Variants in ERBB4 observed in about 807,000 individuals in gnomAD.
ERBB4 encodes the protein erb-b2 receptor tyrosine kinase 4.
Under a neutral mutation model 158.0 loss-of-function variants are expected in ERBB4, and 42 were observed. The ratio of observed to expected loss-of-function variants is 0.27; its 90% CI spans 0.21 to 0.34. The LOEUF is 0.34. Ranked by LOEUF, ERBB4 falls within the 10% of genes least tolerant of loss-of-function variation. ERBB4 has a pLI of 1.00. For missense variants in ERBB4, 1,333 were observed against 1,624.1 expected, an observed-to-expected ratio of 0.82 and a Z score of 3.08; for synonymous variants, 583 against 558.7, an observed-to-expected ratio of 1.04 and a Z score of -0.61.
At chr2:211,473,925 G>A (rs575480413) in intron 20 of ERBB4, among the ~76,000 whole-genome samples, 44 of 152,184 alleles carry the variant, frequency 2.9e-4, no homozygotes, top group African/African-American at 1.0e-3. Context: ...TTTGTGGAGA[G>A]ATTCAACTAC....
chr2:211,772,808 GATATATATATATATAT>G (rs761544601), intron 4 of ERBB4, among the ~76,000 whole-genome samples: 1 of 37,728 alleles, frequency 2.7e-5, no homozygotes, highest in Non-Finnish European at 4.4e-5. Context: ...ACCATACTGG[GATATATATATATATAT>G]ATATATATAT....
At chr2:212,395,222 C>T (rs1020538328) in intron 1 of ERBB4, among the ~76,000 whole-genome samples, 2 of 151,938 alleles carry the variant, frequency 1.3e-5, no homozygotes, top group Non-Finnish European at 2.9e-5. Context: ...AGGTAGAATC[C>T]TCGCATTATT....
rs572422827 is a variant in ERBB4 at position 212,147,632 on chromosome 2, C to A, written c.83-22729G>T. 4.6e-5 allele frequency among the ~76,000 whole-genome samples: 7 copies of A among 152,206 alleles called. No homozygotes were observed. In the South Asian group the frequency reaches 1.5e-3, roughly 32 times the overall value. ...GTAAACATATGAGAAAGGAAAGAAG[C>A]ATCTTCTCAGCAGAATTGAATAAAT... On this transcript the variant is annotated intron_variant, in intron 1 of 27. Transcript: ENST00000342788.
chr2:212,348,696 G>C (rs959029226), intron 1 of ERBB4, among the ~76,000 whole-genome samples: 2 of 152,110 alleles, frequency 1.3e-5, no homozygotes, highest in Non-Finnish European at 2.9e-5. Context: ...TGTACTGCAG[G>C]AACTGGTGGC....
intron 3 of ERBB4, among the ~76,000 whole-genome samples, chr2:211,941,742 C>G (rs1364567903): frequency 9.6e-6 from 1 of 103,794 alleles, no homozygotes; most frequent in Non-Finnish European, 1.9e-5. Context: ...TTTGTCTAAA[C>G]AGGTCACACC....
At chr2:212,287,000 G>A (rs192641030) in intron 1 of ERBB4, among the ~76,000 whole-genome samples, 8 of 151,644 alleles carry the variant, frequency 5.3e-5, no homozygotes, top group Middle Eastern at 3.4e-3. Context: ...CAAGGTAGGA[G>A]AGAACAATTG....
intron 18 of ERBB4, among the ~76,000 whole-genome samples, chr2:211,621,920 C>G (rs907525023): frequency 6.6e-6 from 1 of 152,018 alleles, no homozygotes; most frequent in Non-Finnish European, 1.5e-5. Context: ...AGCACAGAAG[C>G]CTTCAGTTAC....
chr2:212,428,199 T>C (rs2091955945), intron 1 of ERBB4, among the ~76,000 whole-genome samples: 1 of 152,190 alleles, frequency 6.6e-6, no homozygotes, highest in South Asian at 2.1e-4. Flanking sequence ...CAGGAAATGA[T>C]AATAATATTT....
At chr2:211,528,396 A>C (rs1182532846) in intron 20 of ERBB4, among the ~76,000 whole-genome samples, 2 of 152,078 alleles carry the variant, frequency 1.3e-5, no homozygotes, top group Middle Eastern at 3.2e-3. Context: ...GACTCCAATA[A>C]TACAATAATA....
At chr2:211,975,195 C>G (rs1237016473) in intron 2 of ERBB4, among the ~76,000 whole-genome samples, 3 of 152,162 alleles carry the variant, frequency 2.0e-5, no homozygotes, top group Non-Finnish European at 2.9e-5. Context: ...TTGCTCAAGA[C>G]AATCTTGAAC....
chr2:211,659,155 T>C (rs1307513131), intron 15 of ERBB4, among the ~76,000 whole-genome samples: 1 of 150,050 alleles, frequency 6.7e-6, no homozygotes, highest in African/African-American at 2.4e-5. Flanking sequence ...ACTAATATAA[T>C]ATACCTATAA....
chr2:212,002,553 G>A (rs1278527472), intron 2 of ERBB4, among the ~76,000 whole-genome samples: 1 of 151,988 alleles, frequency 6.6e-6, no homozygotes, highest in Non-Finnish European at 1.5e-5. Flanking sequence ...AAATAAACAG[G>A]TAAAAGGGCC....
At chr2:211,591,224 A>T (rs1301971755) in intron 19 of ERBB4, among the ~76,000 whole-genome samples, 4 of 152,230 alleles carry the variant, frequency 2.6e-5, no homozygotes, top group Non-Finnish European at 4.4e-5. Context: ...AATTATGTGG[A>T]AAGTCGCTAG....
intron 20 of ERBB4, among the ~76,000 whole-genome samples, chr2:211,551,882 T>C (rs1427057080): frequency 6.6e-6 from 1 of 152,030 alleles, no homozygotes; most frequent in African/African-American, 2.4e-5. Context: ...TGGAGAAAAA[T>C]GGAAAAGAGG....
At chr2:211,806,441 C>T (rs1403713032) in intron 3 of ERBB4, among the ~76,000 whole-genome samples, 2 of 152,052 alleles carry the variant, frequency 1.3e-5, no homozygotes, top group East Asian at 1.9e-4. Context: ...ATTCAAGAAC[C>T]CAGTAAATTT....
intron 20 of ERBB4, among the ~76,000 whole-genome samples, chr2:211,462,030 A>G (rs17334585): frequency 0.018 from 2,707 of 152,208 alleles, 43 homozygotes; most frequent in South Asian, 0.049. Context: ...TGTGATTACT[A>G]TTGCACTGAC....
chr2:211,560,330 A>G (rs1244407273), intron 20 of ERBB4, among the ~76,000 whole-genome samples: 1 of 120,948 alleles, frequency 8.3e-6, no homozygotes, highest in East Asian at 2.5e-4. Context: ...GCTGCAGTGC[A>G]GTGGTGTGAT....
intron 2 of ERBB4, among the ~76,000 whole-genome samples, chr2:212,051,100 G>A (rs914600928): frequency 6.6e-6 from 1 of 152,136 alleles, no homozygotes; most frequent in African/African-American, 2.4e-5. Context: ...CAATTCTGCA[G>A]ACATGTTTAG....
intron 19 of ERBB4, among the ~76,000 whole-genome samples, chr2:211,612,678 A>G (rs1267676449): frequency 6.6e-6 from 1 of 152,022 alleles, no homozygotes; most frequent in Admixed American, 6.6e-5. Context: ...CTGATATTTT[A>G]CTTTAGTAAA....
Sources: gnomAD v4.1 joint callset for allele counts (sites outside exome capture counted in the v4.1 genomes callset) on GRCh38, gnomAD v4.1.1 for gene constraint, MANE v1.5 for transcripts, NCBI Gene and HGNC (gene_info 2026-07-23, HGNC 2026-07-21) for gene names.